GRID2: variants seen among roughly 807,000 people sequenced by gnomAD.
GRID2 encodes the protein glutamate ionotropic receptor delta type subunit 2, also known as glutamate receptor ionotropic, delta-2.
GRID2 carries 33 observed loss-of-function variants against 114.8 expected under a neutral mutation model. That is an observed-to-expected ratio of 0.29 (90% confidence interval 0.22 to 0.38). GRID2 has a LOEUF of 0.38. GRID2 is among the 10% of genes least tolerant of loss of function. GRID2 has a pLI of 1.00. For synonymous variants in GRID2, 505 were observed against 449.9 expected (o/e 1.12, Z -1.55); for missense variants, 1,184 against 1,257.7 (o/e 0.94, Z 0.89).
chr4:92,806,744 A>G (rs1460595415), intron 2 of GRID2, among the ~76,000 whole-genome samples: 1 of 151,972 alleles, frequency 6.6e-6, no homozygotes, highest in Non-Finnish European at 1.5e-5. Context: ...GGAACTTTCA[A>G]AACTTCTGCA....
chr4:93,010,050 G>T (rs1721968549), intron 2 of GRID2, among the ~76,000 whole-genome samples: 1 of 152,008 alleles, frequency 6.6e-6, no homozygotes, highest in African/African-American at 2.4e-5. Flanking sequence ...TTATTCTACA[G>T]TATTTGAAGC....
intron 2 of GRID2, among the ~76,000 whole-genome samples, chr4:92,824,359 C>T (rs980047366): frequency 1.3e-5 from 2 of 151,566 alleles, no homozygotes; most frequent in African/African-American, 4.8e-5. Flanking sequence ...GATTTTTTTC[C>T]CCATTTCTTT....
At chr4:93,631,226 T>C (rs1055797472) in intron 14 of GRID2, among the ~76,000 whole-genome samples, 6 of 151,862 alleles carry the variant, frequency 4.0e-5, no homozygotes, top group Non-Finnish European at 8.8e-5. Context: ...CTTTTTTTTT[T>C]ATTATTATAC....
chr4:93,277,147 C>T (rs1045222845), intron 8 of GRID2, among the ~76,000 whole-genome samples: 1 of 151,680 alleles, frequency 6.6e-6, no homozygotes, highest in Non-Finnish European at 1.5e-5. Context: ...AGTAGATTTA[C>T]CTGTCCTTTT....
chr4:93,223,717 A>G (rs1007852020), intron 6 of GRID2, among the ~76,000 whole-genome samples: 6 of 152,162 alleles, frequency 3.9e-5, no homozygotes, highest in African/African-American at 1.4e-4. Context: ...CAGAGGAAAT[A>G]TAACATGAAG....
intron 13 of GRID2, among the ~76,000 whole-genome samples, chr4:93,608,294 T>G (rs1395541507): frequency 1.4e-5 from 1 of 72,008 alleles, no homozygotes; most frequent in Non-Finnish European, 2.9e-5. Flanking sequence ...TTATTTTTTT[T>G]TCTTTTTTTT....
chr4:92,880,890 TTTTTGTTTTG>T (rs772762358), intron 2 of GRID2, among the ~76,000 whole-genome samples: 1 of 151,462 alleles, frequency 6.6e-6, no homozygotes, highest in African/African-American at 2.4e-5. Flanking sequence ...CCCGGGTAGT[TTTTTGTTTTG>T]TTTTGTTTTG....
intron 14 of GRID2, among the ~76,000 whole-genome samples, chr4:93,651,549 G>C (rs1722583255): frequency 6.6e-6 from 1 of 152,134 alleles, no homozygotes; most frequent in Non-Finnish European, 1.5e-5. Flanking sequence ...TGGGGATCTT[G>C]CATCACCTCA....
chr4:92,449,809 G>A (rs1720810439), intron 1 of GRID2, among the ~76,000 whole-genome samples: 1 of 149,686 alleles, frequency 6.7e-6, no homozygotes, highest in Non-Finnish European at 1.5e-5. Context: ...TTAAGTCATG[G>A]CTTTAGAGCA....
At chr4:93,763,899 G>A (rs1733419661) in intron 14 of GRID2, among the ~76,000 whole-genome samples, 1 of 152,046 alleles carries the variant, frequency 6.6e-6, no homozygotes, top group Non-Finnish European at 1.5e-5. Flanking sequence ...TTTTAGTTTG[G>A]TTCAGTAGGA....
chr4:93,654,686 T>C (rs35145630), intron 14 of GRID2, among the ~76,000 whole-genome samples: 27,087 of 152,094 alleles, frequency 0.18, 2,775 homozygotes, highest in Middle Eastern at 0.35. Context: ...CAACAAAATG[T>C]AGGATTACAA....
At chr4:93,032,712 G>T (rs1353331655) in intron 2 of GRID2, among the ~76,000 whole-genome samples, 1 of 152,080 alleles carries the variant, frequency 6.6e-6, no homozygotes, top group Non-Finnish European at 1.5e-5. Context: ...TTAAGCAGAT[G>T]TCTAAAGAAG....
At chr4:92,327,351 C>T (rs1447797363) in intron 1 of GRID2, among the ~76,000 whole-genome samples, 1 of 150,760 alleles carries the variant, frequency 6.6e-6, no homozygotes, top group Non-Finnish European at 1.5e-5. Context: ...ACATTCCTGC[C>T]TGTAATCCTA....
intron 2 of GRID2, among the ~76,000 whole-genome samples, chr4:93,047,809 G>A (rs918393063): frequency 1.9e-4 from 29 of 151,502 alleles, no homozygotes; most frequent in African/African-American, 5.3e-4. Context: ...ACATGTTACA[G>A]TTGACCCCAG....
chr4:92,680,283 C>G (rs1201135773), intron 2 of GRID2, among the ~76,000 whole-genome samples: 1 of 152,044 alleles, frequency 6.6e-6, no homozygotes, highest in Non-Finnish European at 1.5e-5. Context: ...ATAGCTATAA[C>G]TTACATTAAA....
intron 1 of GRID2, among the ~76,000 whole-genome samples, chr4:92,474,958 T>C (rs1300853229): frequency 2.1e-5 from 1 of 47,134 alleles, no homozygotes; most frequent in Non-Finnish European, 5.5e-5. Flanking sequence ...TTGATTGTTT[T>C]AATTTTTTTG....
chr4:92,484,317 C>T (rs1579445632), intron 1 of GRID2, among the ~76,000 whole-genome samples: 1 of 151,984 alleles, frequency 6.6e-6, no homozygotes, highest in Non-Finnish European at 1.5e-5. Context: ...TCAGTAATTC[C>T]CTTGAAGAAA....
At chr4:92,441,201 G>A (rs976978084) in intron 1 of GRID2, among the ~76,000 whole-genome samples, 1 of 152,120 alleles carries the variant, frequency 6.6e-6, no homozygotes, top group Non-Finnish European at 1.5e-5. Flanking sequence ...GAAGGTGTTT[G>A]GGTTTGAGAG....
Position 93,769,205 on chromosome 4 carries a change from C to A in GRID2, c.2361-5C>A, listed in dbSNP as rs760093310. Reference sequence around the variant, plus strand: ...ATAACACATGCTTATGTTCTTTATCCCAAGGATCCTGGAGCTTCAGCAGAA... The same window carrying A: ...ATAACACATGCTTATGTTCTTTATCACAAGGATCCTGGAGCTTCAGCAGAA... On this transcript the variant is annotated splice_polypyrimidine_tract_variant and splice_region_variant and intron_variant, in intron 14 of 15. Coordinates refer to ENST00000282020, the MANE Select transcript of GRID2 (RefSeq NM_001510.4). 3.1e-6 allele frequency: 5 copies of A among 1,613,654 alleles called. No individual in the cohort carries two copies. Among genetic ancestry groups the A allele is most frequent in the Non-Finnish European group, 4.2e-6 (5 of 1,179,736 alleles).
Sources: gnomAD v4.1 joint callset for allele counts (sites outside exome capture counted in the v4.1 genomes callset) on GRCh38, gnomAD v4.1.1 for gene constraint, MANE v1.5 for transcripts, NCBI Gene and HGNC (gene_info 2026-07-23, HGNC 2026-07-21) for gene names.